TRIO: variants seen among roughly 807,000 people sequenced by gnomAD.
TRIO encodes triple functional domain protein.
TRIO carries 58 observed loss-of-function variants against 351.9 expected under a neutral mutation model. The ratio of observed to expected loss-of-function variants is 0.16; its 90% CI spans 0.13 to 0.21. The LOEUF is 0.21. Ranked by LOEUF, TRIO falls within the 10% of genes least tolerant of loss-of-function variation. The pLI is 1.00. For synonymous variants in TRIO, 1,758 were observed against 1,595.7 expected (o/e 1.10, Z -2.42); for missense variants, 3,201 against 4,027.8 (o/e 0.79, Z 5.56).
intron 1 of TRIO, among the ~76,000 whole-genome samples, chr5:14,169,688 T>C (rs1788986073): frequency 1.3e-5 from 2 of 152,224 alleles, no homozygotes; most frequent in African/African-American, 4.8e-5. Flanking sequence ...AACCTCTTAA[T>C]TATGGTTTTT....
At chr5:14,454,554 G>A (rs1171081208) in intron 34 of TRIO, among the ~76,000 whole-genome samples, 1 of 152,210 alleles carries the variant, frequency 6.6e-6, no homozygotes, top group Non-Finnish European at 1.5e-5. Flanking sequence ...AGTATGCATA[G>A]GCTGAGAAAT....
At chr5:14,381,744 CTG>C (rs758160838) in intron 21 of TRIO, among the ~76,000 whole-genome samples, 21 of 152,210 alleles carry the variant, frequency 1.4e-4, no homozygotes, top group Non-Finnish European at 1.9e-4. Flanking sequence ...TTGGCAGAGT[CTG>C]TGTCATCGCC....
chr5:14,479,906 C>T lies in TRIO; in HGVS notation c.6244-13C>T. 1 of 1,613,706 alleles carries T rather than the reference C, an allele frequency of 6.2e-7. No individual in the cohort carries two copies. The highest frequency in any genetic ancestry group is 8.5e-7 in the Non-Finnish European group (1 of 1,179,674). On this transcript the variant is annotated splice_polypyrimidine_tract_variant and intron_variant, in intron 42 of 56. Transcript: ENST00000344204. ...ACAGCCCATACGATCTTTTCTCTCTCTTAAAACTGTAGGACTTAAAGCAGC... is the reference window on the plus strand; with the variant it reads ...ACAGCCCATACGATCTTTTCTCTCTTTTAAAACTGTAGGACTTAAAGCAGC...
chr5:14,253,623 A>C (rs2152250548), intron 1 of TRIO, among the ~76,000 whole-genome samples: 1 of 152,338 alleles, frequency 6.6e-6, no homozygotes, highest in South Asian at 2.1e-4. Context: ...GATTACGGGC[A>C]TGAACTCCCG....
chr5:14,201,765 C>T (rs1337502025), intron 1 of TRIO, among the ~76,000 whole-genome samples: 1 of 152,032 alleles, frequency 6.6e-6, no homozygotes, highest in African/African-American at 2.4e-5. Context: ...CACAGGCCTA[C>T]ATTTATATAA....
chr5:14,417,689 A>G (rs901795692), intron 33 of TRIO, among the ~76,000 whole-genome samples: 1 of 152,202 alleles, frequency 6.6e-6, no homozygotes, highest in African/African-American at 2.4e-5. Context: ...GCCCTTTAGC[A>G]AGAGGTGACA....
chr5:14,203,512 T>C (rs1188689292), intron 1 of TRIO, among the ~76,000 whole-genome samples: 9 of 152,226 alleles, frequency 5.9e-5, no homozygotes, highest in African/African-American at 2.2e-4. Context: ...TACTTAATAA[T>C]GAAATAAGCA....
intron 6 of TRIO, among the ~76,000 whole-genome samples, chr5:14,294,222 G>C (rs981438258): frequency 4.6e-5 from 7 of 151,962 alleles, no homozygotes; most frequent in African/African-American, 1.7e-4. Context: ...ATGAAGACAG[G>C]GTTTTTGTTT....
intron 1 of TRIO, among the ~76,000 whole-genome samples, chr5:14,213,758 G>C (rs1255330294): frequency 6.6e-6 from 1 of 152,150 alleles, no homozygotes; most frequent in East Asian, 1.9e-4. Context: ...TCTAACTCCA[G>C]TTTAATAAGG....
chr5:14,465,743 G>A (rs1183358210), intron 37 of TRIO, 103 bp downstream of exon 37: 14 of 1,323,968 alleles, frequency 1.1e-5, no homozygotes, highest in East Asian at 2.5e-5. Context: ...TGCAGAATGT[G>A]GCTGTGGCTT....
At chr5:14,238,787 C>T (rs1259173436) in intron 1 of TRIO, among the ~76,000 whole-genome samples, 1 of 152,102 alleles carries the variant, frequency 6.6e-6, no homozygotes, top group South Asian at 2.1e-4. Flanking sequence ...AAATGTTTTC[C>T]ACTTGGTCTT....
chr5:14,230,684 G>A (rs1220635613), intron 1 of TRIO, among the ~76,000 whole-genome samples: 1 of 151,832 alleles, frequency 6.6e-6, no homozygotes, highest in Non-Finnish European at 1.5e-5. Context: ...CCCTAATACG[G>A]CCCCATTTTA....
rs1465642643 is a variant in TRIO at position 14,509,421 on chromosome 5, G to A, written c.*999G>A. 1 of 470,854 alleles carries A rather than the reference G, an allele frequency of 2.1e-6. No individual in the cohort carries two copies. The highest frequency in any genetic ancestry group is 4.3e-6 in the Non-Finnish European group (1 of 234,378). 29.2% of individuals were successfully genotyped at this position (470,854 alleles called of 1,614,324 possible). ...TGGCGGGTGGGTGGGTAGGGTCGTA[G>A]CCCTGTGCCATCGGTTCAAAGAGAC... On this transcript the variant is annotated 3_prime_UTR_variant, in exon 57 of 57. Transcript: ENST00000344204.
At chr5:14,382,929 A>C (rs1224210126) in intron 21 of TRIO, among the ~76,000 whole-genome samples, 1 of 151,182 alleles carries the variant, frequency 6.6e-6, no homozygotes, top group Non-Finnish European at 1.5e-5. Context: ...ACATTATATG[A>C]TCCGTATTTA....
At chr5:14,176,195 G>A (rs1789392416) in intron 1 of TRIO, among the ~76,000 whole-genome samples, 1 of 152,092 alleles carries the variant, frequency 6.6e-6, no homozygotes, top group South Asian at 2.1e-4. Flanking sequence ...AGTCAGGCTG[G>A]GCTTGGTGGC....
intron 13 of TRIO, among the ~76,000 whole-genome samples, chr5:14,359,887 C>G (rs566919266): frequency 1.3e-5 from 2 of 152,330 alleles, no homozygotes. Context: ...ACAGCACTCC[C>G]TTGTCCTCAG....
At chr5:14,438,638 C>A (rs566205900) in intron 34 of TRIO, among the ~76,000 whole-genome samples, 34 of 152,340 alleles carry the variant, frequency 2.2e-4, no homozygotes, top group African/African-American at 7.5e-4. Context: ...ATTCTCAGAC[C>A]AGATCCCTGG....
chr5:14,267,876 T>A (rs1795775883), intron 1 of TRIO, among the ~76,000 whole-genome samples: 1 of 152,246 alleles, frequency 6.6e-6, no homozygotes, highest in African/African-American at 2.4e-5. Context: ...TTTGCCCTTT[T>A]TATATTTTCT....
At chr5:14,233,695 G>T (rs943315033) in intron 1 of TRIO, among the ~76,000 whole-genome samples, 1 of 151,980 alleles carries the variant, frequency 6.6e-6, no homozygotes, top group African/African-American at 2.4e-5. Flanking sequence ...GCACCACCAC[G>T]CCTGGCTAAT....
Sources: gnomAD v4.1 joint callset for allele counts (sites outside exome capture counted in the v4.1 genomes callset) on GRCh38, gnomAD v4.1.1 for gene constraint, MANE v1.5 for transcripts, NCBI Gene and HGNC (gene_info 2026-07-23, HGNC 2026-07-21) for gene names.